DDR2: variants seen among roughly 807,000 people sequenced by gnomAD.
DDR2 encodes discoidin domain receptor tyrosine kinase 2.
In DDR2, 27 loss-of-function variants were observed where a neutral mutation model predicts 94.9. The observed-to-expected ratio is 0.28, with a 90% confidence interval of 0.21 to 0.39. The LOEUF is 0.39. Among genes scored for constraint, DDR2 ranks in the 10% least tolerant of loss-of-function variants. DDR2 has a pLI of 1.00. For synonymous variants in DDR2, 382 were observed against 377.2 expected, an observed-to-expected ratio of 1.01 and a Z score of -0.15; for missense variants, 783 against 1,076.0, an observed-to-expected ratio of 0.73 and a Z score of 3.81.
chr1:162,760,181 C>A (rs181419540), intron 8 of DDR2, among the ~76,000 whole-genome samples: 5 of 152,202 alleles, frequency 3.3e-5, no homozygotes, highest in Non-Finnish European at 2.9e-5. Context: ...TAGAATAGGT[C>A]AGTGAGCTCT....
intron 2 of DDR2, among the ~76,000 whole-genome samples, chr1:162,665,247 C>T (rs187898611): frequency 5.3e-4 from 80 of 152,332 alleles, no homozygotes; most frequent in African/African-American, 1.8e-3. Context: ...TCGGGAGCCT[C>T]TTTTAACATA....
intron 3 of DDR2, among the ~76,000 whole-genome samples, chr1:162,749,206 T>A (rs1271170425): frequency 3.3e-5 from 5 of 152,156 alleles, no homozygotes; most frequent in African/African-American, 9.6e-5. Flanking sequence ...AAAAAATCAA[T>A]GAATCCAGGA....
At chr1:162,753,323 A>G in intron 4 of DDR2, 126 bp downstream of exon 4, 1 of 854,708 alleles carries the variant, frequency 1.2e-6, no homozygotes, top group South Asian at 1.4e-5. Context: ...AATGAAGGAC[A>G]GACAGCAAGT....
chr1:162,656,149 T>G (rs1381526496), intron 2 of DDR2, among the ~76,000 whole-genome samples: 1 of 152,212 alleles, frequency 6.6e-6, no homozygotes, highest in Non-Finnish European at 1.5e-5. Flanking sequence ...AATTTCTAGA[T>G]TGTGTCTGAG....
chr1:162,651,453 C>T (rs1382893282), intron 1 of DDR2, among the ~76,000 whole-genome samples: 1 of 152,200 alleles, frequency 6.6e-6, no homozygotes, highest in Admixed American at 6.5e-5. Context: ...AATGGCTCCT[C>T]ACTCCAACAA....
intron 2 of DDR2, among the ~76,000 whole-genome samples, chr1:162,713,293 A>C (rs1294702713): frequency 6.6e-6 from 1 of 152,224 alleles, no homozygotes; most frequent in Non-Finnish European, 1.5e-5. Flanking sequence ...AAATGCACAG[A>C]AAGTGTCCTT....
At chr1:162,640,805 T>C (rs560826676) in intron 1 of DDR2, among the ~76,000 whole-genome samples, 1 of 152,226 alleles carries the variant, frequency 6.6e-6, no homozygotes, top group African/African-American at 2.4e-5. Context: ...TTTTGTGTCA[T>C]ACTCTTCAAA....
chr1:162,638,685 G>A (rs1656961419), intron 1 of DDR2, among the ~76,000 whole-genome samples: 1 of 152,174 alleles, frequency 6.6e-6, no homozygotes, highest in Non-Finnish European at 1.5e-5. Context: ...GTTTTCAAAA[G>A]CTACTGGCAC....
intron 3 of DDR2, among the ~76,000 whole-genome samples, chr1:162,737,879 T>C (rs1360431633): frequency 6.7e-6 from 1 of 150,336 alleles, no homozygotes; most frequent in Non-Finnish European, 1.5e-5. Flanking sequence ...TATCTCATAG[T>C]GGTTTTGATT....
chr1:162,640,272 C>T (rs1657061949), intron 1 of DDR2, among the ~76,000 whole-genome samples: 1 of 152,124 alleles, frequency 6.6e-6, no homozygotes, highest in Non-Finnish European at 1.5e-5. Flanking sequence ...GAACTCCTGA[C>T]CTCATGATCT....
chr1:162,739,911 G>T (rs1386493866), intron 3 of DDR2, among the ~76,000 whole-genome samples: 1 of 151,058 alleles, frequency 6.6e-6, no homozygotes, highest in Non-Finnish European at 1.5e-5. Flanking sequence ...GGTATTGAAG[G>T]AGTCAAGAAT....
At position 162,636,322 on chromosome 1, in the gene DDR2, G is replaced by A. The variant is rs547716835; in HGVS notation, c.-192+3691G>A. Among the ~76,000 whole-genome samples, 12 of 152,310 alleles carry A rather than the reference G, an allele frequency of 7.9e-5. No homozygotes were observed. In the South Asian group the frequency reaches 2.1e-3, roughly 26 times the overall value. ...CTGGAAGGGCAATGCAAAGGTAGAG[G>A]AATTCTAAACATGGGTTTGGACTCA... On this transcript the variant is annotated intron_variant, in intron 1 of 17. Coordinates refer to ENST00000367921, the MANE Select transcript of DDR2 (RefSeq NM_006182.4).
intron 3 of DDR2, among the ~76,000 whole-genome samples, chr1:162,739,461 C>T (rs892907845): frequency 3.3e-5 from 5 of 152,124 alleles, no homozygotes; most frequent in Non-Finnish European, 2.9e-5. Context: ...GGCACACCAC[C>T]ATGCCTGGCT....
Position 162,636,419 on chromosome 1 carries a change from A to C in DDR2, c.-192+3788A>C, listed in dbSNP as rs553620806. Among the ~76,000 whole-genome samples the C allele has an allele frequency of 1.6e-4, 25 of 152,320 alleles. No individual in the cohort carries two copies. The South Asian group carries it at 4.8e-3, about 29-fold the overall frequency. ...TTGTCTGTAATGGATCCACTCATTA[A>C]GTCGTCTGTGGCTTGTGATTTGTGC... On this transcript the variant is annotated intron_variant, in intron 1 of 17. Transcript: ENST00000367921.
At chr1:162,729,306 T>TTA (rs1558050737) in intron 3 of DDR2, among the ~76,000 whole-genome samples, 1 of 77,886 alleles carries the variant, frequency 1.3e-5, no homozygotes, top group African/African-American at 4.8e-5. Context: ...ATATATTTTT[T>TTA]TTTTTTTTTT....
intron 3 of DDR2, among the ~76,000 whole-genome samples, chr1:162,720,399 G>A (rs527677363): frequency 6.6e-5 from 10 of 152,132 alleles, no homozygotes; most frequent in African/African-American, 2.2e-4. Context: ...TTATATAAAT[G>A]GAATTAGATG....
chr1:162,723,424 G>A (rs571977448), intron 3 of DDR2, among the ~76,000 whole-genome samples: 1 of 152,262 alleles, frequency 6.6e-6, no homozygotes, highest in African/African-American at 2.4e-5. Context: ...ACAAAAATAC[G>A]GGGCTGCAGT....
At chr1:162,646,574 C>T (rs1204170346) in intron 1 of DDR2, among the ~76,000 whole-genome samples, 1 of 152,202 alleles carries the variant, frequency 6.6e-6, no homozygotes, top group Non-Finnish European at 1.5e-5. Flanking sequence ...ATATCTTTCT[C>T]ATTGCAACGC....
At chr1:162,765,932 T>C in intron 9 of DDR2, 69 bp from the exon 10 acceptor site, 1 of 1,448,030 alleles carries the variant, frequency 6.9e-7, no homozygotes, top group Non-Finnish European at 9.7e-7. Context: ...TAGGTCACAA[T>C]ATGCCTTCAG....
Sources: gnomAD v4.1 joint callset for allele counts (sites outside exome capture counted in the v4.1 genomes callset) on GRCh38, gnomAD v4.1.1 for gene constraint, MANE v1.5 for transcripts, NCBI Gene and HGNC (gene_info 2026-07-23, HGNC 2026-07-21) for gene names.